The following HIVEP2 variants were observed in gnomAD, a reference collection of about 807,000 sequenced individuals.
The protein encoded by HIVEP2 is HIVEP zinc finger 2.
A neutral mutation model predicts 180.7 loss-of-function variants in HIVEP2; 14 were observed. The observed-to-expected ratio is 0.08, with a 90% confidence interval of 0.05 to 0.12. The LOEUF (loss-of-function observed/expected upper bound fraction) is 0.12, where lower values mean the gene tolerates loss of function less well. HIVEP2 is among the 10% of genes least tolerant of loss of function. The probability of loss-of-function intolerance (pLI) is 1.00; values close to 1 mark genes in which losing one functional copy is unlikely to be tolerated. For synonymous variants in HIVEP2, 1,184 were observed against 1,136.4 expected, an observed-to-expected ratio of 1.04 and a Z score of -0.84; for missense variants, 2,579 against 3,008.5, an observed-to-expected ratio of 0.86 and a Z score of 3.34.
chr6:142,798,223 C>T (rs772410532), intron 2 of HIVEP2, among the ~76,000 whole-genome samples: 3 of 151,804 alleles, frequency 2.0e-5, no homozygotes, highest in South Asian at 4.2e-4. Context: ...GAGCTGAGAT[C>T]GCGCCACTGC....
chr6:142,830,188 C>T (rs1775039443), intron 2 of HIVEP2, among the ~76,000 whole-genome samples: 1 of 151,284 alleles, frequency 6.6e-6, no homozygotes, highest in East Asian at 1.9e-4. Context: ...ATGCCTAGTA[C>T]TTTTTTTTTA....
intron 1 of HIVEP2, among the ~76,000 whole-genome samples, chr6:142,853,208 T>C (rs1028893023): frequency 5.3e-5 from 8 of 152,200 alleles, no homozygotes; most frequent in Non-Finnish European, 7.3e-5. Flanking sequence ...ATATCTATTT[T>C]TTTTTCCACA....
intron 1 of HIVEP2, among the ~76,000 whole-genome samples, chr6:142,843,854 T>C (rs1437440172): frequency 6.6e-6 from 1 of 152,238 alleles, no homozygotes; most frequent in African/African-American, 2.4e-5. Flanking sequence ...TTTTTGTACA[T>C]ATATTTATGC....
intron 1 of HIVEP2, among the ~76,000 whole-genome samples, chr6:142,891,217 T>A (rs1465253591): frequency 6.6e-6 from 1 of 152,088 alleles, no homozygotes; most frequent in Non-Finnish European, 1.5e-5. Context: ...ACAACATCAG[T>A]AAGTAAAACC....
At chr6:142,872,038 T>A (rs1458068408) in intron 1 of HIVEP2, among the ~76,000 whole-genome samples, 1 of 152,162 alleles carries the variant, frequency 6.6e-6, no homozygotes, top group Non-Finnish European at 1.5e-5. Flanking sequence ...TCACTGCCAT[T>A]ACCCGAGAAA....
Position 142,876,959 on chromosome 6 carries a change from G to A in HIVEP2, c.-640-39912C>T, listed in dbSNP as rs1478354195. Among the ~76,000 whole-genome samples the A allele has an allele frequency of 2.0e-5, 3 of 152,272 alleles. No individual in the cohort carries two copies. The East Asian group carries it at 5.8e-4, about 29-fold the overall frequency. ...AGCTACTCAGGAGGCTGAAGTGAGA[G>A]GATCACTTGAGCCCAGGGGGTTGAG... On this transcript the variant is annotated intron_variant, in intron 1 of 9. Coordinates refer to ENST00000367603, the MANE Select transcript of HIVEP2 (RefSeq NM_006734.4).
chr6:142,844,796 C>T (rs1775466106), intron 1 of HIVEP2, among the ~76,000 whole-genome samples: 1 of 152,140 alleles, frequency 6.6e-6, no homozygotes. Flanking sequence ...CAAACACTCA[C>T]TAGTGACAAG....
intron 2 of HIVEP2, among the ~76,000 whole-genome samples, chr6:142,792,067 A>C (rs1776151123): frequency 6.6e-6 from 1 of 152,194 alleles, no homozygotes; most frequent in Admixed American, 6.5e-5. Flanking sequence ...TTGGAGAAAC[A>C]GTCTGTCTGC....
At chr6:142,916,017 T>C in intron 1 of HIVEP2, among the ~76,000 whole-genome samples, 1 of 152,200 alleles carries the variant, frequency 6.6e-6, no homozygotes, top group East Asian at 1.9e-4. Flanking sequence ...CACTTAGGAC[T>C]CATTCTAGGC....
intron 7 of HIVEP2, among the ~76,000 whole-genome samples, chr6:142,764,195 C>A (rs1775324684): frequency 6.6e-6 from 1 of 152,038 alleles, no homozygotes; most frequent in African/African-American, 2.4e-5. Flanking sequence ...TTACATAAAT[C>A]TACCTGTTAA....
chr6:142,810,977 C>A (rs988139646), intron 2 of HIVEP2, among the ~76,000 whole-genome samples: 1 of 152,066 alleles, frequency 6.6e-6, no homozygotes, highest in Non-Finnish European at 1.5e-5. Flanking sequence ...ATCAGGAATT[C>A]TTCATCAGTC....
intron 2 of HIVEP2, among the ~76,000 whole-genome samples, chr6:142,810,646 C>T (rs533117): frequency 0.49 from 73,566 of 151,206 alleles, 19,983 homozygotes; most frequent in Non-Finnish European, 0.6. Flanking sequence ...CTTGTAATCC[C>T]AGCTACTCAT....
intron 1 of HIVEP2, among the ~76,000 whole-genome samples, chr6:142,939,726 T>C (rs1778131735): frequency 6.6e-6 from 1 of 152,248 alleles, no homozygotes; most frequent in Non-Finnish European, 1.5e-5. Context: ...ATGTCTCTTC[T>C]AGATTGTAAA....
rs1246814456 is a variant in HIVEP2, at chr6:142,773,488, A to G, written c.1251T>C (p.Asn417=). The change falls in exon 5 of 10, where the codon AAT becomes AAC. Residue 417 remains asparagine (N), a synonymous_variant. Transcript: ENST00000367603. ...AEQQISPPNT[N]AKSYEEIIFG... ...AGATGATTTCTTCATAAGACTTTGC[A>G]TTTGTGTTGGGAGGGCTTATTTGCT... is the stretch of plus-strand genomic sequence containing the variant. 2 of 1,614,170 alleles carry G rather than the reference A, an allele frequency of 1.2e-6. No individual in the cohort carries two copies. Among genetic ancestry groups the G allele is most frequent in the South Asian group, 2.2e-5 (2 of 91,086 alleles).
chr6:142,863,482 A>C (rs1776059128), intron 1 of HIVEP2, among the ~76,000 whole-genome samples: 2 of 152,168 alleles, frequency 1.3e-5, no homozygotes, highest in Middle Eastern at 3.2e-3. Context: ...CTTTTCTAAG[A>C]TATTGCTTTC....
chr6:142,845,666 T>C (rs937954112), intron 1 of HIVEP2, among the ~76,000 whole-genome samples: 1 of 152,202 alleles, frequency 6.6e-6, no homozygotes, highest in African/African-American at 2.4e-5. Context: ...CGAGCCAGAA[T>C]TGATGTCCTC....
At chr6:142,792,486 C>G (rs929426890) in intron 2 of HIVEP2, among the ~76,000 whole-genome samples, 1 of 152,110 alleles carries the variant, frequency 6.6e-6, no homozygotes, top group South Asian at 2.1e-4. Context: ...GGCATGTTCT[C>G]ACTCATAAGT....
chr6:142,909,992 G>C (rs1165502419), intron 1 of HIVEP2, among the ~76,000 whole-genome samples: 1 of 152,154 alleles, frequency 6.6e-6, no homozygotes, highest in Non-Finnish European at 1.5e-5. Context: ...CAGGCTGTCA[G>C]TGATTACATT....
intron 1 of HIVEP2, among the ~76,000 whole-genome samples, chr6:142,886,991 T>A (rs906061583): frequency 1.3e-5 from 2 of 152,204 alleles, no homozygotes; most frequent in Non-Finnish European, 2.9e-5. Flanking sequence ...TGTGCATATG[T>A]GTCAACAGTA....
Sources: gnomAD v4.1 joint callset for allele counts (sites outside exome capture counted in the v4.1 genomes callset) on GRCh38, gnomAD v4.1.1 for gene constraint, MANE v1.5 for transcripts, NCBI Gene and HGNC (gene_info 2026-07-23, HGNC 2026-07-21) for gene names.